The following DHX38 variants were observed in gnomAD, a reference collection of about 807,000 sequenced individuals.
DHX38 encodes the protein pre-mRNA-splicing factor ATP-dependent RNA helicase PRP16.
DHX38 carries 100 observed loss-of-function variants against 153.1 expected under a neutral mutation model. The ratio of observed to expected loss-of-function variants is 0.65; its 90% CI spans 0.56 to 0.77. DHX38 has a LOEUF of 0.77. DHX38 is among the 30% of genes least tolerant of loss of function. DHX38 has a pLI of 0.00. For missense variants in DHX38, 1,440 were observed against 1,654.0 expected (o/e 0.87, Z 2.24); for synonymous variants, 650 against 631.7 (o/e 1.03, Z -0.43).
chr16:72,099,171 G>A, intron 6 of DHX38, 33 bp from the exon 7 acceptor site: 1 of 1,598,826 alleles, frequency 6.3e-7, no homozygotes, highest in Non-Finnish European at 8.5e-7. Context: ...ACAGGCCAGG[G>A]CATGGACTGA....
chr16:72,110,106 T>C (rs2042237820), intron 25 of DHX38, among the ~76,000 whole-genome samples: 1 of 152,248 alleles, frequency 6.6e-6, no homozygotes, highest in Non-Finnish European at 1.5e-5. Flanking sequence ...ACTGCTTATG[T>C]GTGTTAACTG....
intron 1 of DHX38, among the ~76,000 whole-genome samples, 164 bp from the exon 2 acceptor site, chr16:72,095,975 C>A (rs944202951): frequency 6.6e-6 from 1 of 151,736 alleles, no homozygotes. Flanking sequence ...TGGAGATAGG[C>A]AGTGACTTGA....
Position 72,104,304 on chromosome 16 carries a change from G to A in DHX38, c.2010+173G>A, listed in dbSNP as rs2042142348. 1.7e-6 allele frequency: 2 copies of A among 1,188,360 alleles called. No homozygotes were observed. The highest frequency in any genetic ancestry group is 2.3e-6 in the Non-Finnish European group (2 of 865,778). 73.6% of individuals were successfully genotyped at this position (1,188,360 alleles called of 1,614,324 possible). On this transcript the variant is annotated intron_variant, in intron 14 of 26. Transcript: ENST00000268482. This position sits in a 1 kb window ranked among gnomAD's most constrained non-coding sequence, Gnocchi z 4.5. ...TAGTTCATGCTGTTCTTGCTCTGCT[G>A]AGGGTGGCTTGGGGTTTTCTGGGCA...
At position 72,112,896 on chromosome 16, in the gene DHX38, T is replaced by G. The variant is rs2042277158; in HGVS notation, c.*399T>G. On this transcript the variant is annotated 3_prime_UTR_variant, in exon 27 of 27. Transcript: ENST00000268482. ...AATTCAGGATTTGGAAATAAATTTA[T>G]TATTTGTAAAACATGACTGCATGTC... 6 of 694,856 alleles carry G rather than the reference T, an allele frequency of 8.6e-6. No individual in the cohort carries two copies. The highest frequency in any genetic ancestry group is 4.1e-5 in the Admixed American group (2 of 49,022). 43.0% of individuals were successfully genotyped at this position (694,856 alleles called of 1,614,324 possible).
At position 72,111,016 on chromosome 16, in the gene DHX38, G is replaced by A. The variant is rs1182330997; in HGVS notation, c.3538G>A (p.Glu1180Lys). 1.9e-6 allele frequency: 3 copies of A among 1,585,428 alleles called. No homozygotes were observed. Among genetic ancestry groups the A allele is most frequent in the South Asian group, 1.2e-5 (1 of 86,712 alleles). Reference protein sequence around the residue: ...SAMEEEMALAEEQLRARRQEQ... With the variant: ...SAMEEEMALAKEQLRARRQEQ... ...CATGGAGGAGGAGATGGCGCTGGCC[G>A]AGGAGCAGCTGCGAGCCCGGCGGCA... The change falls in exon 26 of 27, where the codon GAG (glutamate) becomes AAG (lysine). Residue 1180 changes from glutamate (E) to lysine (K), a missense_variant. By Grantham distance (56) the Glu-to-Lys change is moderately conservative. Around this residue, in one of 6 missense-constraint regions of DHX38, gnomAD observed 543 missense variants for 717.9 expected, o/e 0.76. Transcript: ENST00000268482.
intron 4 of DHX38, 136 bp downstream of exon 4, chr16:72,097,917 G>A: frequency 1.1e-6 from 1 of 874,490 alleles, no homozygotes; most frequent in Non-Finnish European, 1.8e-6. Flanking sequence ...GGGATAGTTG[G>A]TTCTGAGTCA....
chr16:72,094,616 G>A (rs1231894210), intron 1 of DHX38, among the ~76,000 whole-genome samples: 1 of 152,158 alleles, frequency 6.6e-6, no homozygotes, highest in African/African-American at 2.4e-5. Context: ...TCCTTCTCAA[G>A]AATCTTGCTC....
chr16:72,110,785 C>G (rs1222121807), intron 25 of DHX38, among the ~76,000 whole-genome samples, 171 bp from the exon 26 acceptor site: 1 of 152,162 alleles, frequency 6.6e-6, no homozygotes, highest in Non-Finnish European at 1.5e-5. Context: ...GTGAAAAAAG[C>G]AGGCCTCAGC....
Position 72,108,531 on chromosome 16 carries a change from C to G in DHX38, c.3179C>G (p.Ala1060Gly). 1 of 1,614,156 alleles carries G rather than the reference C, an allele frequency of 6.2e-7. No homozygotes were observed. The highest frequency in any genetic ancestry group is 1.1e-5 in the South Asian group (1 of 91,080). Residue 1060 changes from alanine to glycine, a missense_variant, in exon 23 of 27, where the codon GCC becomes GGC. This residue lies in a region of DHX38 where 543 missense variants were observed against 717.9 expected (regional missense o/e 0.76). Transcript: ENST00000268482. ...ATGGTGCAGCAGCGGATGAGCCTGG[C>G]CTCGTGTGGCACTGACTGGGACATC... ...DIMVQQRMSL[A>G]SCGTDWDIVR...
chr16:72,102,167 T>C (rs2042110434), intron 11 of DHX38, among the ~76,000 whole-genome samples: 1 of 152,234 alleles, frequency 6.6e-6, no homozygotes, highest in African/African-American at 2.4e-5. Flanking sequence ...AAGATCCTCA[T>C]CCTTCGAATG....
intron 1 of DHX38, among the ~76,000 whole-genome samples, chr16:72,095,427 T>G (rs569574023): frequency 6.6e-6 from 1 of 152,242 alleles, no homozygotes; most frequent in Non-Finnish European, 1.5e-5. Flanking sequence ...GGTAGCCTTC[T>G]GCCCCATCTC....
At position 72,098,663 on chromosome 16, in the gene DHX38, G is replaced by A; in HGVS notation, c.635G>A (p.Arg212Lys). Residue 212 changes from arginine (R) to lysine (K), a missense_variant, in exon 5 of 27, where the codon AGG becomes AAG. Transcript: ENST00000268482. ...HRPKDAATPSRSTWEEEDSGY... is the reference protein window; with the variant it reads ...HRPKDAATPSKSTWEEEDSGY... Reference sequence around the variant, plus strand: ...GGCCCAGATGCAGCCACCCCTTCAAGGTCTACCTGGGAGGAAGAGGACAGT... The same window carrying A: ...GGCCCAGATGCAGCCACCCCTTCAAAGTCTACCTGGGAGGAAGAGGACAGT... 1 of 1,614,164 alleles carries A rather than the reference G, an allele frequency of 6.2e-7. No homozygotes were observed. The highest frequency in any genetic ancestry group is 8.5e-7 in the Non-Finnish European group (1 of 1,179,994).
Position 72,109,268 on chromosome 16 carries a change from G to A in DHX38, c.3382-147G>A, listed in dbSNP as rs1462900405. ...TTCTCAAGTGTGGAGGAGTTTGGATGGGAGTATCTGGGGTTTTTCCTTTCC... is the reference window on the plus strand; with the variant it reads ...TTCTCAAGTGTGGAGGAGTTTGGATAGGAGTATCTGGGGTTTTTCCTTTCC... On this transcript the variant is annotated intron_variant, in intron 24 of 26. Transcript: ENST00000268482. The A allele has an allele frequency of 3.5e-6, 3 of 863,066 alleles. No individual in the cohort carries two copies. The African/African-American group carries it at 5.3e-5, about 15-fold the overall frequency. The allele number at this position is 863,066 out of a possible 1,614,324, so 53.5% of individuals were successfully genotyped here. A position where few individuals can be genotyped will look rare whatever the true frequency, so the allele number is the denominator to read the frequency against.
chr16:72,099,538 A>T (rs1447031366), intron 7 of DHX38, among the ~76,000 whole-genome samples, 194 bp from the exon 8 acceptor site: 1 of 141,864 alleles, frequency 7.0e-6, no homozygotes, highest in East Asian at 2.0e-4. Context: ...GCTGCCCTCC[A>T]GTCCTGTGTA....
chr16:72,097,484 A>C (rs2144133161), intron 3 of DHX38, 193 bp from the exon 4 acceptor site: 2 of 542,286 alleles, frequency 3.7e-6, no homozygotes, highest in East Asian at 5.8e-5. Flanking sequence ...GTGGGTTTGA[A>C]ATTTTCTAGG....
Position 72,110,936 on chromosome 16 carries a change from G to C in DHX38, c.3478-20G>C, listed in dbSNP as rs2042247027. ...TAGTGGTCCCCAGTAGGCTCAGCCA[G>C]GTCTGTCCCTCTTCAATAGGAGAAC... On this transcript the variant is annotated intron_variant, in intron 25 of 26. Transcript: ENST00000268482. The C allele has an allele frequency of 2.5e-6, 4 of 1,575,110 alleles. No homozygotes were observed. The highest frequency in any genetic ancestry group is 3.4e-6 in the Non-Finnish European group (4 of 1,159,598).
chr16:72,096,157 G>T lies in DHX38; in HGVS notation c.-1G>T, dbSNP rs2042014395. ...CTTCCAGAGAAATCCCAGATCCTGT[G>T]ATGGGGGACACCAGTGAGGATGCCT... On this transcript the variant is annotated 5_prime_UTR_variant, in exon 2 of 27. Coordinates refer to ENST00000268482, the MANE Select transcript of DHX38 (RefSeq NM_014003.4). The T allele has an allele frequency of 1.3e-6, 2 of 1,593,832 alleles. No individual in the cohort carries two copies. Among genetic ancestry groups the T allele is most frequent in the East Asian group, 4.5e-5 (2 of 44,414 alleles).
intron 26 of DHX38, 45 bp downstream of exon 26, chr16:72,111,122 AG>A: frequency 6.6e-7 from 1 of 1,513,956 alleles, no homozygotes; most frequent in South Asian, 1.3e-5. Context: ...CACCCATCCC[AG>A]GAGGCTGCCA....
intron 26 of DHX38, 180 bp from the exon 27 acceptor site, chr16:72,112,233 A>T: frequency 1.6e-6 from 1 of 617,274 alleles, no homozygotes; most frequent in Non-Finnish European, 2.9e-6. Context: ...TTCCTTGATT[A>T]CATCGCCAGT....
Sources: gnomAD v4.1 joint callset for allele counts (sites outside exome capture counted in the v4.1 genomes callset) on GRCh38, gnomAD v4.1.1 for gene constraint, gnomAD v4.1.1 regional missense constraint, Gnocchi (gnomAD v3.1) non-coding constraint, MANE v1.5 for transcripts, NCBI Gene and HGNC (gene_info 2026-07-23, HGNC 2026-07-21) for gene names.